The following FCF1 variants were observed in gnomAD, a reference collection of about 807,000 sequenced individuals.
The protein encoded by FCF1 is rRNA-processing protein FCF1 homolog.
FCF1 carries 17 observed loss-of-function variants against 32.5 expected under a neutral mutation model. The ratio of observed to expected loss-of-function variants is 0.52; its 90% confidence interval spans 0.36 to 0.78. FCF1 has a LOEUF of 0.78. Among genes scored for constraint, FCF1 ranks in the 30% least tolerant of loss-of-function variants. The probability of loss-of-function intolerance (pLI) is 0.00; values close to 1 mark genes in which losing one functional copy is unlikely to be tolerated. For synonymous variants in FCF1, 84 were observed against 78.4 expected, an observed-to-expected ratio of 1.07 and a Z score of -0.38; for missense variants, 201 against 241.1, an observed-to-expected ratio of 0.83 and a Z score of 1.10.
chr14:74,725,615 C>T (rs2090566866), intron 5 of FCF1, among the ~76,000 whole-genome samples: 1 of 151,738 alleles, frequency 6.6e-6, no homozygotes, highest in African/African-American at 2.4e-5. Context: ...ATAATGAGAC[C>T]CTGGCTCTAC....
chr14:74,715,915 A>G, intron 3 of FCF1, 36 bp from the exon 4 acceptor site: 1 of 1,611,574 alleles, frequency 6.2e-7, no homozygotes, highest in South Asian at 1.1e-5. Context: ...GTATCAATGT[A>G]AATTTTTCTT....
At chr14:74,725,077 AAAAG>A (rs1038713022) in intron 5 of FCF1, among the ~76,000 whole-genome samples, 13 of 151,868 alleles carry the variant, frequency 8.6e-5, no homozygotes, top group Non-Finnish European at 1.5e-4. Flanking sequence ...GGTAAAAAAA[AAAAG>A]AAAGAAAAAG....
chr14:74,721,422 C>T (rs113875395), intron 4 of FCF1, among the ~76,000 whole-genome samples: 74 of 152,206 alleles, frequency 4.9e-4, no homozygotes, highest in African/African-American at 1.7e-3. Context: ...TATGTATGGC[C>T]GGGCACGGTG....
intron 4 of FCF1, among the ~76,000 whole-genome samples, chr14:74,719,056 G>A (rs1327732272): frequency 6.6e-6 from 1 of 150,724 alleles, no homozygotes; most frequent in African/African-American, 2.4e-5. Flanking sequence ...CTGGAACCTG[G>A]GAGGCAGAGG....
chr14:74,732,318 C>G (rs917628122), intron 5 of FCF1, among the ~76,000 whole-genome samples: 3 of 152,100 alleles, frequency 2.0e-5, no homozygotes, highest in Admixed American at 2.0e-4. Context: ...ATTTTCTTCA[C>G]TTACTATAAA....
chr14:74,730,129 T>C (rs2090615556), intron 5 of FCF1, among the ~76,000 whole-genome samples: 1 of 151,858 alleles, frequency 6.6e-6, no homozygotes, highest in African/African-American at 2.4e-5. Context: ...AGCAAGAACA[T>C]ATGTGGAGTA....
intron 4 of FCF1, among the ~76,000 whole-genome samples, chr14:74,718,817 T>G (rs1296338315): frequency 2.6e-5 from 4 of 152,022 alleles, no homozygotes; most frequent in Admixed American, 6.6e-5. Context: ...AAAATGGAAG[T>G]TGAAGCCTGG....
intron 5 of FCF1, among the ~76,000 whole-genome samples, chr14:74,726,913 A>T (rs2090584532): frequency 6.6e-6 from 1 of 151,994 alleles, no homozygotes. Context: ...AATTTCATCC[A>T]TGTCCCTACA....
chr14:74,724,263 G>GT (rs2090546319), intron 5 of FCF1, among the ~76,000 whole-genome samples: 1 of 151,976 alleles, frequency 6.6e-6, no homozygotes, highest in African/African-American at 2.4e-5. Context: ...TGCCTGGTGG[G>GT]TTTGGGGGGT....
At position 74,735,047 on chromosome 14, in the gene FCF1, A is replaced by T; in HGVS notation, c.*117A>T. 1 of 825,132 alleles carries T rather than the reference A, an allele frequency of 1.2e-6. No individual in the cohort carries two copies. 51.1% of individuals were successfully genotyped at this position (825,132 alleles called of 1,614,324 possible). A position where few individuals can be genotyped will look rare whatever the true frequency, so the allele number is the denominator to read the frequency against. On this transcript the variant is annotated 3_prime_UTR_variant, in exon 8 of 8. Coordinates refer to ENST00000341162, the MANE Select transcript of FCF1 (RefSeq NM_015962.5). The stretch of plus-strand genomic sequence containing the variant: ...TCAGAGAGACTGATGGAGTTCAGGG[A>T]GATATTTATTATTTAGGTGCACCAG...
At chr14:74,722,047 C>CTTTTTT (rs59367492) in intron 4 of FCF1, among the ~76,000 whole-genome samples, 15 of 121,376 alleles carry the variant, frequency 1.2e-4, no homozygotes, top group East Asian at 2.4e-4. Context: ...TGGGTATTTT[C>CTTTTTT]TTTTTTTTTT....
intron 3 of FCF1, 75 bp downstream of exon 3, chr14:74,715,018 T>C: frequency 6.9e-7 from 1 of 1,450,486 alleles, no homozygotes; most frequent in Non-Finnish European, 9.2e-7. Flanking sequence ...CCTGAGCTGG[T>C]TTGCTAACTT....
At chr14:74,725,500 A>C (rs913324464) in intron 5 of FCF1, among the ~76,000 whole-genome samples, 12 of 150,588 alleles carry the variant, frequency 8.0e-5, no homozygotes, top group Admixed American at 2.0e-4. Context: ...AAAAAAAAAA[A>C]AAAAAAAAAC....
In FCF1 at chr14:74,729,116, T is replaced by C. The variant is rs948125519; in HGVS notation, c.366-3615T>C. 2.6e-5 allele frequency among the ~76,000 whole-genome samples: 4 copies of C among 152,342 alleles called. 1 individual carries two copies. The highest frequency in any genetic ancestry group is 9.6e-5 in the African/African-American group (4 of 41,590). ...TGGTATCAGGATGATGCTGGCCTCA[T>C]AAAATGAGTTAGGGAGTATTCCCTC... On this transcript the variant is annotated intron_variant, in intron 5 of 7. Coordinates refer to ENST00000341162, the MANE Select transcript of FCF1 (RefSeq NM_015962.5).
intron 6 of FCF1, among the ~76,000 whole-genome samples, chr14:74,733,856 C>A (rs908581541): frequency 1.3e-5 from 2 of 152,198 alleles, no homozygotes; most frequent in African/African-American, 4.8e-5. Flanking sequence ...CCTCAAGATT[C>A]TAAATGCTGC....
At chr14:74,733,620 G>A (rs940610324) in intron 6 of FCF1, among the ~76,000 whole-genome samples, 1 of 151,978 alleles carries the variant, frequency 6.6e-6, no homozygotes, top group Middle Eastern at 3.2e-3. Flanking sequence ...TTCCTGTTTC[G>A]GGGATAGCTT....
chr14:74,720,463 CT>C (rs1418510680), intron 4 of FCF1, among the ~76,000 whole-genome samples: 1 of 152,092 alleles, frequency 6.6e-6, no homozygotes, highest in Non-Finnish European at 1.5e-5. Flanking sequence ...ATATTTGGTC[CT>C]TTTTCATTTA....
chr14:74,723,759 C>T (rs1387724237), intron 5 of FCF1, among the ~76,000 whole-genome samples: 7 of 148,406 alleles, frequency 4.7e-5, no homozygotes, highest in Admixed American at 1.4e-4. Context: ...ACCTAGGAGG[C>T]GGAGGTTGCA....
At chr14:74,721,302 C>T (rs927937533) in intron 4 of FCF1, among the ~76,000 whole-genome samples, 1 of 152,258 alleles carries the variant, frequency 6.6e-6, no homozygotes, top group East Asian at 1.9e-4. Context: ...CTGCCTTGGC[C>T]TCCCAAAGTG....
Sources: gnomAD v4.1 joint callset for allele counts (sites outside exome capture counted in the v4.1 genomes callset) on GRCh38, gnomAD v4.1.1 for gene constraint, MANE v1.5 for transcripts, NCBI Gene and HGNC (gene_info 2026-07-23, HGNC 2026-07-21) for gene names.